Variants in ZNF732 observed in about 807,000 individuals in gnomAD.
ZNF732 encodes zinc finger protein LOC654254.
Under a neutral mutation model 11.5 loss-of-function variants are expected in ZNF732, and 12 were observed. The ratio of observed to expected loss-of-function variants is 1.05; its 90% CI spans 0.67 to 1.70. The LOEUF (loss-of-function observed/expected upper bound fraction) is 1.70, where lower values mean the gene tolerates loss of function less well. Ranked by LOEUF, ZNF732 falls within the 40% of genes most tolerant of loss-of-function variation. The pLI, the probability that ZNF732 is intolerant of heterozygous loss-of-function variation, is 0.00. For synonymous variants in ZNF732, 231 were observed against 236.5 expected, an observed-to-expected ratio of 0.98 and a Z score of 0.21; for missense variants, 702 against 676.9, an observed-to-expected ratio of 1.04 and a Z score of -0.41.
intron 3 of ZNF732, among the ~76,000 whole-genome samples, chr4:283,194 T>C (rs11723615): frequency 0.14 from 21,470 of 152,104 alleles, 1,892 homozygotes; most frequent in Admixed American, 0.25. Context: ...AATATGATTG[T>C]CATCAGATGG....
Position 272,195 on chromosome 4 carries a change from T to C in ZNF732, c.662A>G (p.Lys221Arg), listed in dbSNP as rs782105677. The change falls in exon 4 of 4, where the codon AAA becomes AGA. Residue 221 changes from lysine to arginine, a missense_variant. Around this residue, in one of 3 missense-constraint regions of ZNF732, gnomAD observed 596 missense variants for 557.9 expected, o/e 1.07. Coordinates refer to ENST00000419098, the MANE Select transcript of ZNF732 (RefSeq NM_001137608.3). ...NEYEIIHTGE[K>R]PFTCEECGNI... Reference sequence around the variant, plus strand: ...GCCACATTCTTCACATGTGAAGGGTTTCTCTCCAGTATGAATTATCTCATA... The same window carrying C: ...GCCACATTCTTCACATGTGAAGGGTCTCTCTCCAGTATGAATTATCTCATA... 2 of 1,613,250 alleles carry C rather than the reference T, an allele frequency of 1.2e-6. No homozygotes were observed. The highest frequency in any genetic ancestry group is 3.3e-5 in the Admixed American group (2 of 59,930).
rs139781518 is a variant in ZNF732, at chr4:293,282, G to GTATA, written c.226+2152_226+2155dup. Among the ~76,000 whole-genome samples, 553 of 140,254 alleles carry GTATA rather than the reference G, an allele frequency of 3.9e-3. 4 individuals carry two copies. Among genetic ancestry groups the GTATA allele is most frequent in the African/African-American group, 0.013 (494 of 37,692 alleles). The allele number at this position is 140,254 out of a possible 152,430, so 92.0% of individuals were successfully genotyped here. A position where few individuals can be genotyped will look rare whatever the true frequency, so the allele number is the denominator to read the frequency against. Reference sequence around the variant, plus strand: ...CACATATATATGTATATATGTATGTGTATATATATATATATATGTGTGTGT... The same window carrying GTATA: ...CACATATATATGTATATATGTATGTGTATATATATATATATATATATGTGTGTGT... On this transcript the variant is annotated intron_variant, in intron 3 of 3. Coordinates refer to ENST00000419098, the MANE Select transcript of ZNF732 (RefSeq NM_001137608.3).
chr4:301,186 T>G, intron 1 of ZNF732, among the ~76,000 whole-genome samples: 1 of 152,152 alleles, frequency 6.6e-6, no homozygotes, highest in Admixed American at 6.5e-5. Flanking sequence ...TCACACCAGT[T>G]AGAATGGCGA....
chr4:287,133 A>G (rs1257104273), intron 3 of ZNF732, among the ~76,000 whole-genome samples: 2 of 152,166 alleles, frequency 1.3e-5, no homozygotes, highest in Admixed American at 6.5e-5. Flanking sequence ...CCTGGGCGAC[A>G]GAGCAAGACT....
At position 299,418 on chromosome 4, in the gene ZNF732, C is replaced by CATGTGTATATATAT. The variant is rs1560165132; in HGVS notation, c.4-3264_4-3263insATATATATACACAT. Among the ~76,000 whole-genome samples, 22 of 83,492 alleles carry CATGTGTATATATAT rather than the reference C, an allele frequency of 2.6e-4. 1 individual carries two copies. The highest frequency in any genetic ancestry group is 4.5e-4 in the Admixed American group (3 of 6,712). 54.8% of individuals were successfully genotyped at this position (83,492 alleles called of 152,430 possible). A position where few individuals can be genotyped will look rare whatever the true frequency, so the allele number is the denominator to read the frequency against. Reference sequence around the variant, plus strand: ...ACACATATGTGTATATATATATACACATATATACACATATGTGTATATATA... The same window carrying CATGTGTATATATAT: ...ACACATATGTGTATATATATATACACATGTGTATATATATATATATACACATATGTGTATATATA... On this transcript the variant is annotated intron_variant, in intron 1 of 3. Transcript: ENST00000419098.
In ZNF732 at chr4:270,896, C is replaced by T. The variant is rs138089234; in HGVS notation, c.*203G>A. On this transcript the variant is annotated 3_prime_UTR_variant, in exon 4 of 4. Coordinates refer to ENST00000419098, the MANE Select transcript of ZNF732 (RefSeq NM_001137608.3). Reference sequence around the variant, plus strand: ...ATTTTCTTATGTTGATTCAGGTATGCGGACTGTTTGAAGGCTTTCCCACAT... The same window carrying T: ...ATTTTCTTATGTTGATTCAGGTATGTGGACTGTTTGAAGGCTTTCCCACAT... 2.5e-4 allele frequency: 168 copies of T among 674,770 alleles called. No individual in the cohort carries two copies. Among genetic ancestry groups the T allele is most frequent in the African/African-American group, 2.2e-3 (120 of 55,132 alleles). 41.8% of individuals were successfully genotyped at this position (674,770 alleles called of 1,614,324 possible). A position where few individuals can be genotyped will look rare whatever the true frequency, so the allele number is the denominator to read the frequency against.
At chr4:283,503 A>G (rs1263214268) in intron 3 of ZNF732, among the ~76,000 whole-genome samples, 3 of 152,076 alleles carry the variant, frequency 2.0e-5, no homozygotes, top group African/African-American at 7.2e-5. Flanking sequence ...CTTCTAAAAA[A>G]AATCTGCCAC....
At chr4:304,776 C>A (rs1049883217) in intron 1 of ZNF732, among the ~76,000 whole-genome samples, 5 of 152,242 alleles carry the variant, frequency 3.3e-5, no homozygotes, top group Non-Finnish European at 7.3e-5. Flanking sequence ...GCGCACAGGG[C>A]AAGGGGACTG....
intron 1 of ZNF732, among the ~76,000 whole-genome samples, chr4:296,552 G>A (rs1433256964): frequency 6.6e-6 from 1 of 152,116 alleles, no homozygotes; most frequent in Non-Finnish European, 1.5e-5. Context: ...GGATCTGTGG[G>A]GAGGGCACAG....
intron 1 of ZNF732, among the ~76,000 whole-genome samples, chr4:304,385 C>G (rs369206578): frequency 3.9e-5 from 6 of 152,190 alleles, no homozygotes; most frequent in Admixed American, 3.3e-4. Flanking sequence ...CCGCGCCTCC[C>G]GCAGACACCA....
In ZNF732 at chr4:299,444, T is replaced by TACACAC. The variant is rs782570375; in HGVS notation, c.4-3290_4-3289insGTGTGT. The stretch of plus-strand genomic sequence containing the variant: ...ATATATACACATATGTGTATATATA[T>TACACAC]ATATATACACATATGTGTATATATA... On this transcript the variant is annotated intron_variant, in intron 1 of 3. Transcript: ENST00000419098. 4.1e-4 allele frequency among the ~76,000 whole-genome samples: 14 copies of TACACAC among 33,868 alleles called. 1 individual carries two copies. Among genetic ancestry groups the TACACAC allele is most frequent in the Non-Finnish European group, 7.3e-4 (13 of 17,774 alleles). The allele number at this position is 33,868 out of a possible 152,430, so 22.2% of individuals were successfully genotyped here. A position where few individuals can be genotyped will look rare whatever the true frequency, so the allele number is the denominator to read the frequency against.
At chr4:305,050 T>C (rs972827691) in intron 1 of ZNF732, among the ~76,000 whole-genome samples, 2 of 152,198 alleles carry the variant, frequency 1.3e-5, no homozygotes, top group African/African-American at 2.4e-5. Flanking sequence ...GTTTTCCCGA[T>C]GAGCTCCTCC....
At chr4:303,981 T>A (rs1280134808) in intron 1 of ZNF732, among the ~76,000 whole-genome samples, 3 of 152,144 alleles carry the variant, frequency 2.0e-5, no homozygotes, top group Non-Finnish European at 2.9e-5. Flanking sequence ...GATTCATGTG[T>A]CCATAAAGGC....
chr4:292,675 T>A (rs1367783762), intron 3 of ZNF732, among the ~76,000 whole-genome samples: 3 of 150,880 alleles, frequency 2.0e-5, no homozygotes, highest in Non-Finnish European at 4.4e-5. Flanking sequence ...TTAGATTTTT[T>A]CCCCCCAAAG....
chr4:300,007 G>C (rs75049882), intron 1 of ZNF732, among the ~76,000 whole-genome samples: 8,436 of 150,702 alleles, frequency 0.056, 375 homozygotes, highest in African/African-American at 0.12. Flanking sequence ...CCCAGCTGAC[G>C]AGTATATTTT....
At chr4:301,991 A>G (rs1205777032) in intron 1 of ZNF732, among the ~76,000 whole-genome samples, 5 of 152,208 alleles carry the variant, frequency 3.3e-5, no homozygotes, top group African/African-American at 1.2e-4. Context: ...TGAAGATGCC[A>G]GGCACACTGA....
intron 1 of ZNF732, among the ~76,000 whole-genome samples, chr4:299,388 T>TATATACAC (rs1720036284): frequency 3.3e-5 from 3 of 90,774 alleles, no homozygotes; most frequent in African/African-American, 9.8e-5. Context: ...TATATACACA[T>TATATACAC]ATGTACACAT....
intron 2 of ZNF732, 80 bp from the exon 3 acceptor site, chr4:295,613 G>T: frequency 5.1e-6 from 6 of 1,177,784 alleles, no homozygotes; most frequent in Non-Finnish European, 7.1e-6. Flanking sequence ...GTAGAAAAGA[G>T]AAATTATGGA....
intron 3 of ZNF732, among the ~76,000 whole-genome samples, chr4:276,601 A>G (rs1404134263): frequency 6.6e-6 from 1 of 151,976 alleles, no homozygotes; most frequent in African/African-American, 2.4e-5. Context: ...CTAGTAGCAA[A>G]CATAATTAAA....
Sources: allele counts gnomAD v4.1 joint callset (sites outside exome capture counted in the v4.1 genomes callset), GRCh38; gene constraint gnomAD v4.1.1; regional missense constraint gnomAD v4.1.1; transcripts MANE v1.5; gene names NCBI Gene and HGNC (gene_info 2026-07-23, HGNC 2026-07-21).